SPTLC3: variants seen among roughly 807,000 people sequenced by gnomAD.
The protein encoded by SPTLC3 is serine palmitoyltransferase 3.
In SPTLC3, 36 loss-of-function variants were observed where a neutral mutation model predicts 59.3. That is an observed-to-expected ratio of 0.61 (90% CI 0.47 to 0.80). The LOEUF (loss-of-function observed/expected upper bound fraction) is 0.80, where lower values mean the gene tolerates loss of function less well. SPTLC3 is among the 30% of genes least tolerant of loss of function. The pLI is 0.00. For missense variants in SPTLC3, 625 were observed against 685.1 expected (o/e 0.91, Z 0.98); for synonymous variants, 257 against 240.8 (o/e 1.07, Z -0.62).
intron 4 of SPTLC3, among the ~76,000 whole-genome samples, chr20:13,088,491 C>G (rs1029386928): frequency 6.6e-6 from 1 of 151,810 alleles, no homozygotes; most frequent in Admixed American, 6.6e-5. Flanking sequence ...CCCGCCACCA[C>G]GCCCAGCTAA....
At chr20:13,023,045 C>A (rs1466872000) in intron 1 of SPTLC3, among the ~76,000 whole-genome samples, 1 of 152,046 alleles carries the variant, frequency 6.6e-6, no homozygotes, top group African/African-American at 2.4e-5. Flanking sequence ...CTCCCACCTG[C>A]AACATTTGCA....
intron 4 of SPTLC3, among the ~76,000 whole-genome samples, chr20:13,075,467 T>C (rs1045445703): frequency 2.6e-5 from 4 of 152,254 alleles, no homozygotes; most frequent in African/African-American, 9.6e-5. Flanking sequence ...TTCAGACTTG[T>C]GCAGCAAATA....
At chr20:13,032,238 C>A (rs140460727) in intron 1 of SPTLC3, among the ~76,000 whole-genome samples, 2 of 152,272 alleles carry the variant, frequency 1.3e-5, no homozygotes, top group African/African-American at 4.8e-5. Flanking sequence ...ATAATGCAGC[C>A]ATTGCAGGAT....
chr20:13,144,365 C>G (rs2038456524), intron 9 of SPTLC3, among the ~76,000 whole-genome samples: 1 of 152,186 alleles, frequency 6.6e-6, no homozygotes, highest in Non-Finnish European at 1.5e-5. Flanking sequence ...ATAATAGGTA[C>G]TAAGTAAGTA....
chr20:13,027,431 A>G (rs1986205277), intron 1 of SPTLC3, among the ~76,000 whole-genome samples: 1 of 152,148 alleles, frequency 6.6e-6, no homozygotes, highest in African/African-American at 2.4e-5. Context: ...GATCAAAACC[A>G]CATAGATAAT....
In SPTLC3 at chr20:13,110,122, C is replaced by A; in HGVS notation, c.837C>A (p.Ser279Arg). 8 of 1,611,256 alleles carry A rather than the reference C, an allele frequency of 5.0e-6. No individual in the cohort carries two copies. Among genetic ancestry groups the A allele is most frequent in the Non-Finnish European group, 6.8e-6 (8 of 1,179,034 alleles). Reference protein sequence around the residue: ...IRIFKHNNTQSLEKLLRDAVI... With the variant: ...IRIFKHNNTQRLEKLLRDAVI... The stretch of plus-strand genomic sequence containing the variant: ...TGGTATTATTTAAAGACACACAAAG[C>A]CTAGAGAAGCTCCTGAGAGATGCTG... Residue 279 changes from serine to arginine, a missense_variant, in exon 7 of 12, where the codon AGC becomes AGA. Physicochemically the swap from Ser to Arg is moderately radical, Grantham distance 110. Coordinates refer to ENST00000399002, the MANE Select transcript of SPTLC3 (RefSeq NM_018327.4).
intron 1 of SPTLC3, among the ~76,000 whole-genome samples, chr20:13,023,514 T>C (rs988033054): frequency 1.3e-5 from 2 of 152,192 alleles, no homozygotes; most frequent in African/African-American, 4.8e-5. Context: ...ATCTGTTCTT[T>C]GCAAGAACTC....
chr20:13,060,374 A>G (rs1228396905), intron 2 of SPTLC3, among the ~76,000 whole-genome samples: 1 of 110,114 alleles, frequency 9.1e-6, no homozygotes, highest in African/African-American at 3.3e-5. Context: ...GGCAAGAGCT[A>G]AAGTTATTTA....
chr20:13,164,898 T>G lies in SPTLC3; in HGVS notation c.*31T>G, dbSNP rs2038965066. 6.4e-7 allele frequency: 1 copy of G among 1,572,642 alleles called. No homozygotes were observed. Among genetic ancestry groups the G allele is most frequent in the Non-Finnish European group, 8.7e-7 (1 of 1,151,948 alleles). ...CTGGTCCTGAATGACACATAAAGAC[T>G]TTGCGAGAAAGACCTCCCTCCTTGC... On this transcript the variant is annotated 3_prime_UTR_variant, in exon 12 of 12. Coordinates refer to ENST00000399002, the MANE Select transcript of SPTLC3 (RefSeq NM_018327.4).
intron 4 of SPTLC3, among the ~76,000 whole-genome samples, chr20:13,074,801 C>T (rs184914036): frequency 2.0e-5 from 3 of 152,212 alleles, no homozygotes; most frequent in Admixed American, 2.0e-4. Context: ...CTTTTCTTAA[C>T]GATGTTCATC....
intron 3 of SPTLC3, 39 bp downstream of exon 3, chr20:13,072,449 A>C: frequency 6.6e-7 from 1 of 1,509,666 alleles, no homozygotes; most frequent in South Asian, 1.3e-5. Context: ...GAAAAGAAAA[A>C]CCTTTCAAGG....
intron 4 of SPTLC3, among the ~76,000 whole-genome samples, chr20:13,082,517 C>T (rs1361099462): frequency 6.6e-6 from 1 of 152,092 alleles, no homozygotes; most frequent in Non-Finnish European, 1.5e-5. Flanking sequence ...ATTTCAGTGT[C>T]CATAAATCTT....
intron 6 of SPTLC3, among the ~76,000 whole-genome samples, chr20:13,101,144 G>A (rs1443372138): frequency 6.6e-6 from 1 of 152,212 alleles, no homozygotes; most frequent in African/African-American, 2.4e-5. Context: ...GGCTGAGGGA[G>A]CTGAAGTATT....
At chr20:13,043,354 ACTTTT>A (rs1379840262) in intron 1 of SPTLC3, among the ~76,000 whole-genome samples, 1 of 152,058 alleles carries the variant, frequency 6.6e-6, no homozygotes, top group African/African-American at 2.4e-5. Context: ...TCTCACCCTG[ACTTTT>A]CTTTTCAAGG....
At position 13,154,223 on chromosome 20, in the gene SPTLC3, T is replaced by C. The variant is rs2038714938; in HGVS notation, c.1415+85T>C. ...TTTGGCACAGGCGTTAGATTATGCA[T>C]CTGGAATGGGGTGAGTGAGTTCAGA... On this transcript the variant is annotated intron_variant, in intron 10 of 11. Coordinates refer to ENST00000399002, the MANE Select transcript of SPTLC3 (RefSeq NM_018327.4). The C allele has an allele frequency of 3.9e-6, 6 of 1,542,074 alleles. 1 individual carries two copies. The South Asian group carries it at 6.1e-5, about 16-fold the overall frequency.
At chr20:13,152,273 C>T (rs1426030975) in intron 9 of SPTLC3, among the ~76,000 whole-genome samples, 2 of 152,152 alleles carry the variant, frequency 1.3e-5, no homozygotes, top group Admixed American at 1.3e-4. Context: ...ATGTCAAGAG[C>T]TTATAACAGT....
At chr20:13,034,087 A>G in intron 1 of SPTLC3, among the ~76,000 whole-genome samples, 1 of 152,262 alleles carries the variant, frequency 6.6e-6, no homozygotes, top group Non-Finnish European at 1.5e-5. Context: ...AACATCAGAG[A>G]TCAGGCAGAT....
At chr20:13,097,241 CAAGCA>C (rs2122643995) in intron 6 of SPTLC3, among the ~76,000 whole-genome samples, 1 of 152,070 alleles carries the variant, frequency 6.6e-6, no homozygotes, top group Non-Finnish European at 1.5e-5. Flanking sequence ...AAGATTATTT[CAAGCA>C]GAAAACTAAT....
At chr20:13,088,306 TTTGTTGTTG>T (rs200006260) in intron 4 of SPTLC3, among the ~76,000 whole-genome samples, 1 of 152,088 alleles carries the variant, frequency 6.6e-6, no homozygotes, top group Non-Finnish European at 1.5e-5. Flanking sequence ...ACACTTGTTT[TTTGTTGTTG>T]TTGTTGTTGT....
Sources: allele counts gnomAD v4.1 joint callset (sites outside exome capture counted in the v4.1 genomes callset), GRCh38; gene constraint gnomAD v4.1.1; transcripts MANE v1.5; gene names NCBI Gene and HGNC (gene_info 2026-07-23, HGNC 2026-07-21).